Variants in MFSD6 observed in about 807,000 individuals in gnomAD.
The protein encoded by MFSD6 is major facilitator superfamily domain-containing protein 6.
MFSD6 carries 26 observed loss-of-function variants against 56.3 expected under a neutral mutation model. That is an observed-to-expected ratio of 0.46 (90% CI 0.34 to 0.64). The LOEUF (loss-of-function observed/expected upper bound fraction) is 0.64. MFSD6 is among the 30% of genes least tolerant of loss of function. The probability of loss-of-function intolerance (pLI) is 0.01; values close to 1 mark genes in which losing one functional copy is unlikely to be tolerated. For missense variants in MFSD6, 750 were observed against 986.2 expected (o/e 0.76, Z 3.21); for synonymous variants, 331 against 366.9 (o/e 0.90, Z 1.12).
intron 3 of MFSD6, among the ~76,000 whole-genome samples, chr2:190,455,938 T>TTTTTA (rs1411188522): frequency 2.4e-5 from 3 of 124,500 alleles, no homozygotes; most frequent in African/African-American, 9.0e-5. Context: ...ACTCTGCTTT[T>TTTTTA]TTTTTTTTTT....
At chr2:190,460,286 G>A (rs1036472761) in intron 3 of MFSD6, among the ~76,000 whole-genome samples, 3 of 152,144 alleles carry the variant, frequency 2.0e-5, no homozygotes, top group Admixed American at 1.3e-4. Context: ...AAATGTTGCA[G>A]AATATAGACA....
At chr2:190,427,476 A>G (rs1685816494) in intron 2 of MFSD6, among the ~76,000 whole-genome samples, 1 of 152,196 alleles carries the variant, frequency 6.6e-6, no homozygotes, top group African/African-American at 2.4e-5. Flanking sequence ...TTAGATAGCA[A>G]GCAGGCACTT....
chr2:190,489,635 T>G lies in MFSD6; in HGVS notation c.1793-133T>G. On this transcript the variant is annotated intron_variant, in intron 5 of 7. Transcript: ENST00000392328. This position sits in a 1 kb window ranked among gnomAD's most constrained non-coding sequence, Gnocchi z 6.6. ...GTGTTTTTCCATTATGTGGAGCTAA[T>G]ACCCAACTACTTTTCTCTGGTTTGT... is the stretch of plus-strand genomic sequence containing the variant. 1.3e-6 allele frequency: 1 copy of G among 766,076 alleles called. No individual in the cohort carries two copies. Among genetic ancestry groups the G allele is most frequent in the Non-Finnish European group, 2.1e-6 (1 of 477,852 alleles). The allele number at this position is 766,076 out of a possible 1,614,324, so 47.5% of individuals were successfully genotyped here.
At position 190,462,117 on chromosome 2, in the gene MFSD6, C is replaced by CT. The variant is rs1174748395; in HGVS notation, c.1533-7640dup. 6.6e-6 allele frequency among the ~76,000 whole-genome samples: 1 copy of CT among 152,152 alleles called. No homozygotes were observed. The highest frequency in any genetic ancestry group is 1.5e-5 in the Non-Finnish European group (1 of 68,036). ...ATAATCATTGTTCGTGATTTGCTGT[C>CT]TGTCTCCTTCTTGGTTTGTTTTTGT... On this transcript the variant is annotated intron_variant, in intron 3 of 7. Coordinates refer to ENST00000392328, the MANE Select transcript of MFSD6 (RefSeq NM_017694.4). The surrounding 1 kb of genome is among the most constrained non-coding windows in gnomAD (Gnocchi z 5.7).
chr2:190,466,925 G>C (rs143352911), intron 3 of MFSD6, among the ~76,000 whole-genome samples: 1 of 152,264 alleles, frequency 6.6e-6, no homozygotes, highest in East Asian at 1.9e-4. Flanking sequence ...TCTGGGAAGA[G>C]GTTTGAAGGC....
In MFSD6 at chr2:190,497,619, G is replaced by A; in HGVS notation, c.2072G>A (p.Ser691Asn). ...GTGAACAAACCAGCCTGGGGAGTCAGCTCTTCTCCCTGGGTGACCTTTGTC... is the reference window on the plus strand; with the variant it reads ...GTGAACAAACCAGCCTGGGGAGTCAACTCTTCTCCCTGGGTGACCTTTGTC... Reference protein sequence around the residue: ...EDVNKPAWGVSSSPWVTFVYA... With the variant: ...EDVNKPAWGVNSSPWVTFVYA... Residue 691 changes from serine to asparagine, a missense_variant, in exon 7 of 8, where the codon AGC becomes AAC. Around this residue, in one of 5 missense-constraint regions of MFSD6, gnomAD observed 172 missense variants for 203.9 expected, o/e 0.84. Coordinates refer to ENST00000392328, the MANE Select transcript of MFSD6 (RefSeq NM_017694.4). This position sits in a 1 kb window ranked among gnomAD's most constrained non-coding sequence, Gnocchi z 5.2. The A allele has an allele frequency of 6.2e-6, 10 of 1,614,120 alleles. No homozygotes were observed. The highest frequency in any genetic ancestry group is 8.5e-6 in the Non-Finnish European group (10 of 1,180,008).
At chr2:190,411,531 A>G (rs1690567215) in intron 1 of MFSD6, 1 of 985,290 alleles carries the variant, frequency 1.0e-6, no homozygotes. Context: ...TTATAAAGTT[A>G]TGTTTGGGCT....
In MFSD6 at chr2:190,498,203, A is replaced by AT. The variant is rs1466764858; in HGVS notation, c.2172+489dup. Among the ~76,000 whole-genome samples, 2 of 152,262 alleles carry AT rather than the reference A, an allele frequency of 1.3e-5. No homozygotes were observed. The highest frequency in any genetic ancestry group is 1.9e-4 in the East Asian group (1 of 5,190). On this transcript the variant is annotated intron_variant, in intron 7 of 7. Coordinates refer to ENST00000392328, the MANE Select transcript of MFSD6 (RefSeq NM_017694.4). The surrounding 1 kb of genome is among the most constrained non-coding windows in gnomAD (Gnocchi z 5.9). Reference sequence around the variant, plus strand: ...CCTGAAAAATAAGTCTAAAAGTGTGATTTTTCTTGTCCCCAGAGGAGTGAT... The same window carrying AT: ...CCTGAAAAATAAGTCTAAAAGTGTGATTTTTTCTTGTCCCCAGAGGAGTGAT...
chr2:190,421,457 T>G (rs957564352), intron 2 of MFSD6, among the ~76,000 whole-genome samples: 2 of 150,286 alleles, frequency 1.3e-5, no homozygotes, highest in East Asian at 2.0e-4. Context: ...GTGAGAGTTA[T>G]GGATGTATGA....
chr2:190,429,180 T>G (rs1193278614), intron 2 of MFSD6, among the ~76,000 whole-genome samples: 3 of 152,026 alleles, frequency 2.0e-5, no homozygotes, highest in Non-Finnish European at 4.4e-5. Context: ...TTTTTTCTAT[T>G]GATTTTAAAG....
chr2:190,488,489 G>A lies in MFSD6; in HGVS notation c.1631-168G>A, dbSNP rs901473341. On this transcript the variant is annotated intron_variant, in intron 4 of 7. Transcript: ENST00000392328. The surrounding 1 kb of genome is among the most constrained non-coding windows in gnomAD (Gnocchi z 6.4). Reference sequence around the variant, plus strand: ...CTGCACAACACTGTGAGTGTACTCAGTGCCACTGAACCGTACATTTAAAAA... The same window carrying A: ...CTGCACAACACTGTGAGTGTACTCAATGCCACTGAACCGTACATTTAAAAA... 6.6e-6 allele frequency among the ~76,000 whole-genome samples: 1 copy of A among 152,206 alleles called. No homozygotes were observed. The highest frequency in any genetic ancestry group is 2.4e-5 in the African/African-American group (1 of 41,456).
rs1350136990 is a variant in MFSD6, at chr2:190,499,824, T to C, written c.2173-191T>C. On this transcript the variant is annotated intron_variant, in intron 7 of 7. Coordinates refer to ENST00000392328, the MANE Select transcript of MFSD6 (RefSeq NM_017694.4). The surrounding 1 kb of genome is among the most constrained non-coding windows in gnomAD (Gnocchi z 6.0). Reference sequence around the variant, plus strand: ...ATAGTGTTTGTGTTTTTCATGCGGCTCTGGCAGTTGCACATAGGAAAGGAG... The same window carrying C: ...ATAGTGTTTGTGTTTTTCATGCGGCCCTGGCAGTTGCACATAGGAAAGGAG... 1 of 1,539,690 alleles carries C rather than the reference T, an allele frequency of 6.5e-7. No individual in the cohort carries two copies. Among genetic ancestry groups the C allele is most frequent in the South Asian group, 1.2e-5 (1 of 83,122 alleles).
chr2:190,450,680 A>G (rs1686747870), intron 3 of MFSD6, among the ~76,000 whole-genome samples: 1 of 151,620 alleles, frequency 6.6e-6, no homozygotes, highest in Non-Finnish European at 1.5e-5. Flanking sequence ...TTTTGTAGAG[A>G]CGAGGTTTTG....
Position 190,500,133 on chromosome 2 carries a change from A to G in MFSD6, c.2291A>G (p.Gln764Arg), listed in dbSNP as rs539393739. The G allele has an allele frequency of 4.3e-6, 7 of 1,614,152 alleles. No homozygotes were observed. The South Asian group carries it at 5.5e-5, about 13-fold the overall frequency. ...PSPDAAASQT[Q>R]TSPAHPSVDP... is the part of the protein sequence containing the mutation. ...CCTGACGCAGCAGCATCTCAGACGC[A>G]GACCAGCCCCGCTCACCCCAGTGTG... Residue 764 changes from glutamine to arginine, a missense_variant, in exon 8 of 8, where the codon CAG (glutamine) becomes CGG (arginine). Gln to Arg is a conservative substitution (Grantham distance 43, BLOSUM62 1). Coordinates refer to ENST00000392328, the MANE Select transcript of MFSD6 (RefSeq NM_017694.4). This position sits in a 1 kb window ranked among gnomAD's most constrained non-coding sequence, Gnocchi z 5.3.
In MFSD6 at chr2:190,411,737, G is replaced by A. The variant is rs1575810385; in HGVS notation, c.-176+3234G>A. The A allele has an allele frequency of 8.1e-6, 8 of 985,360 alleles. No individual in the cohort carries two copies. The South Asian group carries it at 2.8e-4, about 35-fold the overall frequency. The allele number at this position is 985,360 out of a possible 1,614,324, so 61.0% of individuals were successfully genotyped here. Reference sequence around the variant, plus strand: ...AAAGGTGGCATACTGAGAATTGGGGGGCAAAGGGTAAAGAGTCTCAGGTGA... The same window carrying A: ...AAAGGTGGCATACTGAGAATTGGGGAGCAAAGGGTAAAGAGTCTCAGGTGA... On this transcript the variant is annotated intron_variant, in intron 1 of 7. Transcript: ENST00000392328.
Position 190,438,930 on chromosome 2 carries a change from T to G in MFSD6, c.1532+1369T>G, listed in dbSNP as rs1352167049. Among the ~76,000 whole-genome samples the G allele has an allele frequency of 1.3e-5, 2 of 152,160 alleles. No homozygotes were observed. The highest frequency in any genetic ancestry group is 3.9e-4 in the East Asian group (2 of 5,182). ...TTTGGTTTTGCTTCGGGAGGTGGTG[T>G]TCTGTTCCTTCCCTTTCTCAGATCT... On this transcript the variant is annotated intron_variant, in intron 3 of 7. Coordinates refer to ENST00000392328, the MANE Select transcript of MFSD6 (RefSeq NM_017694.4). This position sits in a 1 kb window ranked among gnomAD's most constrained non-coding sequence, Gnocchi z 5.2.
In MFSD6 at chr2:190,412,599, G is replaced by T; in HGVS notation, c.-175-2693G>T. The T allele has an allele frequency of 1.0e-6, 1 of 985,198 alleles. No individual in the cohort carries two copies. The allele number at this position is 985,198 out of a possible 1,614,324, so 61.0% of individuals were successfully genotyped here. A position where few individuals can be genotyped will look rare whatever the true frequency, so the allele number is the denominator to read the frequency against. On this transcript the variant is annotated intron_variant, in intron 1 of 7. Coordinates refer to ENST00000392328, the MANE Select transcript of MFSD6 (RefSeq NM_017694.4). This position sits in a 1 kb window ranked among gnomAD's most constrained non-coding sequence, Gnocchi z 4.1. ...CACATCTGATGTCAATTCTGTGTGGGGCAATGAAAACACCTTAATGCCTCC... is the reference window on the plus strand; with the variant it reads ...CACATCTGATGTCAATTCTGTGTGGTGCAATGAAAACACCTTAATGCCTCC...
intron 4 of MFSD6, among the ~76,000 whole-genome samples, chr2:190,475,983 T>G (rs1299148782): frequency 1.3e-5 from 2 of 152,148 alleles, no homozygotes; most frequent in East Asian, 3.9e-4. Flanking sequence ...ATTTAATAAA[T>G]GGTGCTGAGA....
chr2:190,482,307 CTT>C (rs888574634), intron 4 of MFSD6, among the ~76,000 whole-genome samples: 2 of 151,942 alleles, frequency 1.3e-5, no homozygotes, highest in Non-Finnish European at 2.9e-5. Context: ...CCAATATAGA[CTT>C]TTTCTTTTAT....
Sources: allele counts gnomAD v4.1 joint callset (sites outside exome capture counted in the v4.1 genomes callset), GRCh38; gene constraint gnomAD v4.1.1; regional missense constraint gnomAD v4.1.1; non-coding constraint Gnocchi (gnomAD v3.1); transcripts MANE v1.5; gene names NCBI Gene and HGNC (gene_info 2026-07-23, HGNC 2026-07-21).